VPS13B: variants seen among roughly 807,000 people sequenced by gnomAD.
VPS13B encodes the protein vacuolar protein sorting 13 homolog B, also known as intermembrane lipid transfer protein VPS13B.
In VPS13B, 285 loss-of-function variants were observed where a neutral mutation model predicts 426.4. The observed-to-expected ratio is 0.67, with a 90% CI of 0.61 to 0.74. The LOEUF (loss-of-function observed/expected upper bound fraction) is 0.74, where lower values mean the gene tolerates loss of function less well. VPS13B is among the 30% of genes least tolerant of loss of function. The pLI is 0.00. For missense variants in VPS13B, 4,537 were observed against 4,782.6 expected (o/e 0.95, Z 1.51); for synonymous variants, 1,676 against 1,676.4 (o/e 1.00, Z 0.01).
intron 39 of VPS13B, among the ~76,000 whole-genome samples, chr8:99,733,031 A>G (rs922344478): frequency 1.3e-5 from 2 of 152,214 alleles, no homozygotes; most frequent in Admixed American, 6.5e-5. Context: ...AAAATGAAGA[A>G]CTATGTTTAG....
chr8:99,373,747 T>C (rs1813322750), intron 19 of VPS13B, among the ~76,000 whole-genome samples: 1 of 151,990 alleles, frequency 6.6e-6, no homozygotes. Flanking sequence ...GAGCCTGAGA[T>C]GGGAGGATCA....
intron 19 of VPS13B, among the ~76,000 whole-genome samples, chr8:99,377,261 A>T (rs771266685): frequency 5.3e-5 from 8 of 152,094 alleles, no homozygotes; most frequent in Non-Finnish European, 8.8e-5. Context: ...TTTTTTAAAA[A>T]CCATATTGTC....
At chr8:99,614,307 C>T (rs992441837) in intron 33 of VPS13B, among the ~76,000 whole-genome samples, 10 of 151,968 alleles carry the variant, frequency 6.6e-5, no homozygotes, top group Admixed American at 3.3e-4. Context: ...GATGGAGTTT[C>T]GCTCTTGTTG....
intron 32 of VPS13B, among the ~76,000 whole-genome samples, chr8:99,576,722 A>G (rs1825793445): frequency 2.0e-5 from 3 of 152,118 alleles, no homozygotes; most frequent in Admixed American, 2.0e-4. Flanking sequence ...AAACTATTGT[A>G]TTGGTTTTTT....
intron 17 of VPS13B, among the ~76,000 whole-genome samples, chr8:99,255,165 C>G (rs1273951571): frequency 6.6e-6 from 1 of 151,280 alleles, no homozygotes; most frequent in Non-Finnish European, 1.5e-5. Context: ...TATTGAGTTT[C>G]TTGGTTTGGT....
rs535260190 is a variant in VPS13B, at chr8:99,420,516, C to T, written c.3083-11021C>T. On this transcript the variant is annotated intron_variant, in intron 21 of 61. Coordinates refer to ENST00000357162, the MANE Select transcript of VPS13B (RefSeq NM_152564.5). ...TTAATGCTGTGGCTTGGAATTTCTA[C>T]GTTTATGATTTTTCATCCAATTCTA... Among the ~76,000 whole-genome samples the T allele has an allele frequency of 1.5e-4, 23 of 152,162 alleles. No individual in the cohort carries two copies. The South Asian group carries it at 3.1e-3, about 21-fold the overall frequency.
At chr8:99,758,372 T>C (rs1171618634) in intron 39 of VPS13B, among the ~76,000 whole-genome samples, 1 of 152,188 alleles carries the variant, frequency 6.6e-6, no homozygotes, top group African/African-American at 2.4e-5. Context: ...TTGGCATGAA[T>C]GCAAAATAAT....
intron 33 of VPS13B, among the ~76,000 whole-genome samples, chr8:99,635,359 T>A (rs1475820909): frequency 1.3e-5 from 2 of 151,972 alleles, no homozygotes; most frequent in Non-Finnish European, 2.9e-5. Context: ...TGAAATATAA[T>A]CTCATAATTG....
chr8:99,073,664 G>C (rs539355722), intron 3 of VPS13B, among the ~76,000 whole-genome samples: 2 of 134,396 alleles, frequency 1.5e-5, no homozygotes, highest in East Asian at 4.6e-4. Context: ...AAGCAGAGCA[G>C]TTTAACTTCC....
At chr8:99,394,365 C>T (rs894821711) in intron 21 of VPS13B, among the ~76,000 whole-genome samples, 1 of 152,104 alleles carries the variant, frequency 6.6e-6, no homozygotes, top group Admixed American at 6.6e-5. Flanking sequence ...TTTAATTATT[C>T]AGTTAGAAGC....
intron 13 of VPS13B, among the ~76,000 whole-genome samples, chr8:99,143,796 C>G (rs1369574447): frequency 6.6e-6 from 1 of 152,156 alleles, no homozygotes; most frequent in Non-Finnish European, 1.5e-5. Context: ...ATTTCTCTGT[C>G]TCTACAATAC....
At chr8:99,192,408 T>A (rs1813651580) in intron 16 of VPS13B, among the ~76,000 whole-genome samples, 2 of 152,212 alleles carry the variant, frequency 1.3e-5, no homozygotes, top group African/African-American at 4.8e-5. Flanking sequence ...TGACATTTCA[T>A]ACCTTAATAT....
chr8:99,635,601 C>T (rs1415609418), intron 33 of VPS13B, among the ~76,000 whole-genome samples: 1 of 151,860 alleles, frequency 6.6e-6, no homozygotes, highest in African/African-American at 2.4e-5. Context: ...GCCATCAAAA[C>T]AAAAATTGTA....
At chr8:99,154,211 T>G (rs1442403460) in intron 14 of VPS13B, among the ~76,000 whole-genome samples, 1 of 151,932 alleles carries the variant, frequency 6.6e-6, no homozygotes, top group Non-Finnish European at 1.5e-5. Flanking sequence ...TTCCTGGGTT[T>G]CTAATTTGGT....
In VPS13B at chr8:99,823,938, A is replaced by AACC. The variant is rs1182385860; in HGVS notation, c.9293_9295dup (p.Pro3098dup). The AACC allele has an allele frequency of 6.2e-7, 1 of 1,613,334 alleles. No homozygotes were observed. Among genetic ancestry groups the AACC allele is most frequent in the Non-Finnish European group, 8.5e-7 (1 of 1,179,870 alleles). ...AATACACCATATCAAATATTTTATA[A>AACC]ACCACAGCTATCTGTCTGCAATCCC... is the stretch of plus-strand genomic sequence containing the variant. On this transcript the variant is annotated inframe_insertion, in exon 51 of 62. Transcript: ENST00000357162.
At chr8:99,777,879 CAT>C (rs1024317647) in intron 41 of VPS13B, among the ~76,000 whole-genome samples, 2 of 152,060 alleles carry the variant, frequency 1.3e-5, no homozygotes, top group Admixed American at 1.3e-4. Flanking sequence ...CATTTTGACT[CAT>C]ATATTAGGTT....
At chr8:99,313,348 T>C (rs773217813) in intron 19 of VPS13B, among the ~76,000 whole-genome samples, 5 of 152,172 alleles carry the variant, frequency 3.3e-5, no homozygotes, top group Non-Finnish European at 5.9e-5. Context: ...GGGGTTTTGG[T>C]GTGGATGTCC....
Position 99,245,653 on chromosome 8 carries a change from G to A in VPS13B, c.2516-28545G>A, listed in dbSNP as rs557992137. ...TTGGCTCACTGTGGCCTCTGCCTCA[G>A]CCTCAGTAATCCCAAGTAGCTGGGA... On this transcript the variant is annotated intron_variant, in intron 17 of 61. Coordinates refer to ENST00000357162, the MANE Select transcript of VPS13B (RefSeq NM_152564.5). Among the ~76,000 whole-genome samples the A allele has an allele frequency of 2.0e-5, 3 of 152,228 alleles. No homozygotes were observed. In the East Asian group the frequency reaches 5.8e-4, roughly 29 times the overall value.
At chr8:99,572,362 C>G (rs1825521971) in intron 31 of VPS13B, among the ~76,000 whole-genome samples, 2 of 152,038 alleles carry the variant, frequency 1.3e-5, no homozygotes. Context: ...GCACAACGTG[C>G]AGGTTTGTTA....
Sources: gnomAD v4.1 joint callset for allele counts (sites outside exome capture counted in the v4.1 genomes callset) on GRCh38, gnomAD v4.1.1 for gene constraint, MANE v1.5 for transcripts, NCBI Gene and HGNC (gene_info 2026-07-23, HGNC 2026-07-21) for gene names.